Variants in GTPBP1 observed in about 807,000 individuals in gnomAD.
GTPBP1 encodes GTP binding protein 1, also known as GTP-binding protein 1.
GTPBP1 carries 23 observed loss-of-function variants against 62.0 expected under a neutral mutation model. The observed-to-expected ratio is 0.37, with a 90% CI of 0.27 to 0.53. GTPBP1 has a LOEUF of 0.53. GTPBP1 is among the 20% of genes least tolerant of loss of function. The pLI is 0.89. For missense variants in GTPBP1, 640 were observed against 917.3 expected (o/e 0.70, Z 3.90); for synonymous variants, 344 against 364.4 (o/e 0.94, Z 0.64).
chr22:38,720,386 A>AT lies in GTPBP1; in HGVS notation c.835-1342dup, dbSNP rs55850024. ...AGGCAACTGCCACCACATGCAGCTA[A>AT]TTTTTTTTTTTTTTGTATTTTTAGT... On this transcript the variant is annotated intron_variant, in intron 4 of 11. Transcript: ENST00000216044. 2.6e-3 allele frequency among the ~76,000 whole-genome samples: 373 copies of AT among 145,020 alleles called. 4 individuals carry two copies. In the East Asian group the frequency reaches 0.036, roughly 14 times the overall value.
chr22:38,725,420 A>G (rs2092721943), intron 6 of GTPBP1: 2 of 152,948 alleles, frequency 1.3e-5, no homozygotes. Flanking sequence ...AAGAAGTGGT[A>G]TTTGAGATGA....
At chr22:38,725,140 G>A (rs1234293863) in intron 6 of GTPBP1, 1 of 152,296 alleles carries the variant, frequency 6.6e-6, no homozygotes, top group Non-Finnish European at 1.5e-5. Flanking sequence ...AGTACCATCA[G>A]TTAGCCTGCA....
At position 38,724,166 on chromosome 22, in the gene GTPBP1, G is replaced by A. The variant is rs897615994; in HGVS notation, c.959-131G>A. 1.3e-5 allele frequency: 8 copies of A among 625,128 alleles called. 1 individual carries two copies. In the South Asian group the frequency reaches 1.5e-4, roughly 12 times the overall value. 38.7% of individuals were successfully genotyped at this position (625,128 alleles called of 1,614,324 possible). ...CCTTTTTGCTTCTCCAGGCATTGTG[G>A]CATTTAACACTGGTCCATCTATCTG... is the stretch of plus-strand genomic sequence containing the variant. On this transcript the variant is annotated intron_variant, in intron 5 of 11. Transcript: ENST00000216044.
chr22:38,726,306 C>G lies in GTPBP1; in HGVS notation c.1267C>G (p.Leu423Val). ...SGTTLRGLIK[L>V]NDTLLLGPDP... ...GACAACACTGAGAGGCCTGATCAAG[C>G]TGAATGACACGCTGCTGCTGGGCCC... The change falls in exon 8 of 12, where the codon CTG becomes GTG. Residue 423 changes from leucine (L) to valine (V), a missense_variant. Physicochemically the swap from Leu to Val is conservative, Grantham distance 32 (BLOSUM62 1). This residue lies in a region of GTPBP1 where 220 missense variants were observed against 358.1 expected (regional missense o/e 0.61). Transcript: ENST00000216044. This position sits in a 1 kb window ranked among gnomAD's most constrained non-coding sequence, Gnocchi z 4.1. 1 of 1,614,020 alleles carries G rather than the reference C, an allele frequency of 6.2e-7. No homozygotes were observed.
downstream of GTPBP1, chr22:38,742,331 ATCC>A (rs1680401465): frequency 6.2e-7 from 1 of 1,605,940 alleles, no homozygotes; most frequent in Non-Finnish European, 8.5e-7. Context: ...CCCTGCGGAA[ATCC>A]TCCTTCAGGG....
At position 38,726,290 on chromosome 22, in the gene GTPBP1, G is replaced by C; in HGVS notation, c.1251G>C (p.Leu417=). ...GVGTVVSGTT[L]RGLIKLNDTL... ...GGACAGTGGTTTCGGGGACAACACT[G>C]AGAGGCCTGATCAAGCTGAATGACA... The change falls in exon 8 of 12, where the codon CTG becomes CTC. Residue 417 remains leucine, a synonymous_variant. Coordinates refer to ENST00000216044, the MANE Select transcript of GTPBP1 (RefSeq NM_004286.5). This position sits in a 1 kb window ranked among gnomAD's most constrained non-coding sequence, Gnocchi z 4.1. 1 of 1,614,042 alleles carries C rather than the reference G, an allele frequency of 6.2e-7. No homozygotes were observed. The highest frequency in any genetic ancestry group is 1.3e-5 in the African/African-American group (1 of 74,996).
In GTPBP1 at chr22:38,716,555, C is replaced by T. The variant is rs1234471224; in HGVS notation, c.486-97C>T. 1 of 892,750 alleles carries T rather than the reference C, an allele frequency of 1.1e-6. No individual in the cohort carries two copies. The highest frequency in any genetic ancestry group is 1.8e-6 in the Non-Finnish European group (1 of 567,272). The allele number at this position is 892,750 out of a possible 1,614,324, so 55.3% of individuals were successfully genotyped here. A position where few individuals can be genotyped will look rare whatever the true frequency, so the allele number is the denominator to read the frequency against. On this transcript the variant is annotated intron_variant, in intron 3 of 11. Transcript: ENST00000216044. The surrounding 1 kb of genome is among the most constrained non-coding windows in gnomAD (Gnocchi z 5.2). The stretch of plus-strand genomic sequence containing the variant: ...GTGAGCCGGAGGGGATCGGGGCAAG[C>T]CTGGACTTGCGGATCCAATTACTGG...
Position 38,727,126 on chromosome 22 carries a change from C to T in GTPBP1, c.1402-87C>T. On this transcript the variant is annotated intron_variant, in intron 8 of 11. Transcript: ENST00000216044. This position sits in a 1 kb window ranked among gnomAD's most constrained non-coding sequence, Gnocchi z 6.5. ...AGGCAGAGTTGGGGTGGTCCCTATCCCTAGAAAGACTCTTGGTCCCTGGGA... is the reference window on the plus strand; with the variant it reads ...AGGCAGAGTTGGGGTGGTCCCTATCTCTAGAAAGACTCTTGGTCCCTGGGA... 7.6e-7 allele frequency: 1 copy of T among 1,322,552 alleles called. No individual in the cohort carries two copies. The highest frequency in any genetic ancestry group is 1.0e-6 in the Non-Finnish European group (1 of 980,586). The allele number at this position is 1,322,552 out of a possible 1,614,324, so 81.9% of individuals were successfully genotyped here. A position where few individuals can be genotyped will look rare whatever the true frequency, so the allele number is the denominator to read the frequency against.
intron 4 of GTPBP1, among the ~76,000 whole-genome samples, chr22:38,721,003 T>C (rs995222668): frequency 3.3e-5 from 5 of 152,184 alleles, no homozygotes; most frequent in Non-Finnish European, 7.3e-5. Flanking sequence ...CCTCCCAGGC[T>C]CAAGTGATCC....
intron 6 of GTPBP1, 97 bp from the exon 7 acceptor site, chr22:38,725,909 C>G (rs1489339099): frequency 1.8e-6 from 2 of 1,132,826 alleles, no homozygotes; most frequent in African/African-American, 3.1e-5. Context: ...GGCATCTGCT[C>G]CTCGAGCCCT....
At chr22:38,736,978 G>A (rs138835866), downstream of GTPBP1, among the ~76,000 whole-genome samples, 1,149 of 152,188 alleles carry the variant, frequency 7.5e-3, 4 homozygotes, top group Non-Finnish European at 0.011. Context: ...CCAGTAGCTG[G>A]GACCACAGGT....
At chr22:38,720,794 C>A (rs1262571967) in intron 4 of GTPBP1, among the ~76,000 whole-genome samples, 1 of 152,192 alleles carries the variant, frequency 6.6e-6, no homozygotes, top group Non-Finnish European at 1.5e-5. Context: ...CTGGACACTT[C>A]ATGTGTGTTG....
chr22:38,720,127 A>G (rs1280006953), intron 4 of GTPBP1, among the ~76,000 whole-genome samples: 1 of 151,646 alleles, frequency 6.6e-6, no homozygotes, highest in Non-Finnish European at 1.5e-5. Context: ...ACAGGGTTTC[A>G]CCATGTTAGC....
At position 38,721,650 on chromosome 22, in the gene GTPBP1, C is replaced by A. The variant is rs1214205071; in HGVS notation, c.835-92C>A. 5 of 1,283,468 alleles carry A rather than the reference C, an allele frequency of 3.9e-6. No individual in the cohort carries two copies. The African/African-American group carries it at 7.3e-5, about 19-fold the overall frequency. 79.5% of individuals were successfully genotyped at this position (1,283,468 alleles called of 1,614,324 possible). A position where few individuals can be genotyped will look rare whatever the true frequency, so the allele number is the denominator to read the frequency against. On this transcript the variant is annotated intron_variant, in intron 4 of 11. Coordinates refer to ENST00000216044, the MANE Select transcript of GTPBP1 (RefSeq NM_004286.5). Reference sequence around the variant, plus strand: ...TTAACGTGATTTTTGCCCAGCCCAGCTTTCATCCACATCTGCTTTTGAGCC... The same window carrying A: ...TTAACGTGATTTTTGCCCAGCCCAGATTTCATCCACATCTGCTTTTGAGCC...
At position 38,726,185 on chromosome 22, in the gene GTPBP1, T is replaced by C. The variant is rs761393445; in HGVS notation, c.1218+35T>C. The C allele has an allele frequency of 6.2e-7, 1 of 1,609,318 alleles. No homozygotes were observed. The highest frequency in any genetic ancestry group is 1.1e-5 in the South Asian group (1 of 90,940). On this transcript the variant is annotated intron_variant, in intron 7 of 11. Transcript: ENST00000216044. This position sits in a 1 kb window ranked among gnomAD's most constrained non-coding sequence, Gnocchi z 4.1. ...TCTGGGCGGGTAGCTGGGTGGGCAC[T>C]TCCTACAGTGGCATCAGGGGGTGGG...
intron 10 of GTPBP1, chr22:38,729,109 C>A (rs1283408751): frequency 5.6e-6 from 1 of 179,410 alleles, no homozygotes; most frequent in Non-Finnish European, 1.2e-5. Flanking sequence ...TCTGTGCAGG[C>A]TCTGGGCTCT....
At chr22:38,719,119 T>A (rs1001658016) in intron 4 of GTPBP1, among the ~76,000 whole-genome samples, 1 of 152,042 alleles carries the variant, frequency 6.6e-6, no homozygotes, top group Non-Finnish European at 1.5e-5. Flanking sequence ...GATTCTCCTG[T>A]CTCAGCTTCC....
In GTPBP1 at chr22:38,724,286, C is replaced by T. The variant is rs117992050; in HGVS notation, c.959-11C>T. ...GTGTCCCCCTAATTCTGTTCCATTGCACCCTTTAAGAAACCCTGAAGCTGT... is the reference window on the plus strand; with the variant it reads ...GTGTCCCCCTAATTCTGTTCCATTGTACCCTTTAAGAAACCCTGAAGCTGT... On this transcript the variant is annotated splice_polypyrimidine_tract_variant and intron_variant, in intron 5 of 11. Coordinates refer to ENST00000216044, the MANE Select transcript of GTPBP1 (RefSeq NM_004286.5). 32,583 of 1,546,170 alleles carry T rather than the reference C, an allele frequency of 0.021. 524 individuals carry two copies. The highest frequency in any genetic ancestry group is 0.054 in the South Asian group (4,831 of 89,712).
downstream of GTPBP1, chr22:38,740,767 G>T: frequency 1.7e-6 from 1 of 597,846 alleles, no homozygotes; most frequent in Non-Finnish European, 3.0e-6. The surrounding 1 kb of genome is among the most constrained non-coding windows in gnomAD (Gnocchi z 4.8). Flanking sequence ...GTCTATAAAT[G>T]AATCCCGGTC....
Sources: gnomAD v4.1 joint callset for allele counts (sites outside exome capture counted in the v4.1 genomes callset) on GRCh38, gnomAD v4.1.1 for gene constraint, gnomAD v4.1.1 regional missense constraint, Gnocchi (gnomAD v3.1) non-coding constraint, MANE v1.5 for transcripts, NCBI Gene and HGNC (gene_info 2026-07-23, HGNC 2026-07-21) for gene names.